Variants in AXDND1 observed in about 807,000 individuals in gnomAD.
AXDND1 encodes axonemal dynein light chain domain-containing protein 1.
A neutral mutation model predicts 137.5 loss-of-function variants in AXDND1; 110 were observed. The observed-to-expected ratio is 0.80, with a 90% CI of 0.69 to 0.94. AXDND1 has a LOEUF of 0.94. Ranked by LOEUF, AXDND1 falls within the 40% of genes least tolerant of loss-of-function variation. The probability of loss-of-function intolerance (pLI) is 0.00; values close to 1 mark genes in which losing one functional copy is unlikely to be tolerated. For synonymous variants in AXDND1, 414 were observed against 399.7 expected (o/e 1.04, Z -0.43); for missense variants, 1,191 against 1,169.8 (o/e 1.02, Z -0.26).
intron 21 of AXDND1, among the ~76,000 whole-genome samples, chr1:179,511,525 G>A (rs1171337485): frequency 6.6e-5 from 10 of 151,920 alleles, no homozygotes; most frequent in African/African-American, 2.2e-4. Flanking sequence ...ATAAACATGC[G>A]TGTGCAAGCA....
intron 10 of AXDND1, 104 bp from the exon 11 acceptor site, chr1:179,394,994 C>T (rs1650821420): frequency 1.1e-6 from 1 of 902,326 alleles, no homozygotes; most frequent in East Asian, 2.6e-5. Context: ...AAGGGAGGTA[C>T]ACATGATAAC....
At chr1:179,542,371 C>T (rs941784646) in intron 25 of AXDND1, among the ~76,000 whole-genome samples, 6 of 152,112 alleles carry the variant, frequency 3.9e-5, no homozygotes, top group Admixed American at 1.3e-4. Context: ...GTGAAGTTAG[C>T]CAACTGCTCG....
At chr1:179,488,645 TTCTTTCTTTC>T in intron 18 of AXDND1, among the ~76,000 whole-genome samples, 1 of 70,350 alleles carries the variant, frequency 1.4e-5, no homozygotes, top group South Asian at 5.2e-4. Context: ...CTTTCTTTCT[TTCTTTCTTTC>T]TTTCTTTCTT....
chr1:179,425,706 A>G (rs1436309172), intron 12 of AXDND1, among the ~76,000 whole-genome samples: 4 of 152,210 alleles, frequency 2.6e-5, no homozygotes, highest in African/African-American at 9.6e-5. Context: ...TGCTGGGCAG[A>G]AGCAGGGAGG....
intron 23 of AXDND1, 90 bp from the exon 24 acceptor site, chr1:179,533,705 C>A: frequency 6.6e-6 from 6 of 912,250 alleles, no homozygotes; most frequent in African/African-American, 1.7e-5. Flanking sequence ...AAAGAATATT[C>A]TAGAAGGTTT....
At chr1:179,532,344 G>A (rs779895518) in intron 23 of AXDND1, among the ~76,000 whole-genome samples, 4 of 152,158 alleles carry the variant, frequency 2.6e-5, no homozygotes, top group Non-Finnish European at 5.9e-5. Context: ...AGTTTTAGTT[G>A]TTTCATAGGG....
intron 18 of AXDND1, among the ~76,000 whole-genome samples, chr1:179,489,598 C>A (rs949474604): frequency 6.6e-6 from 1 of 152,122 alleles, no homozygotes; most frequent in Non-Finnish European, 1.5e-5. Context: ...TTAACTCTTT[C>A]TCAGGAAAGG....
chr1:179,482,849 G>A (rs1289434219), intron 17 of AXDND1, among the ~76,000 whole-genome samples: 5 of 151,478 alleles, frequency 3.3e-5, no homozygotes, highest in Middle Eastern at 3.4e-3. Context: ...AAATGTAAAG[G>A]GTGTAAGTTT....
chr1:179,421,367 C>CTTTTTTTTTTTTTTTTTTTTTTT (rs199703017), intron 12 of AXDND1, among the ~76,000 whole-genome samples: 1 of 107,232 alleles, frequency 9.3e-6, no homozygotes, highest in African/African-American at 4.1e-5. Context: ...TTTTCTTTTC[C>CTTTTTTTTTTTTTTTTTTTTTTT]TTTTTTTTTT....
At chr1:179,529,723 G>A (rs1670879580) in intron 23 of AXDND1, among the ~76,000 whole-genome samples, 1 of 152,200 alleles carries the variant, frequency 6.6e-6, no homozygotes, top group Non-Finnish European at 1.5e-5. Flanking sequence ...GAAAGGCATA[G>A]AAAGGGGAAG....
At chr1:179,525,285 G>T (rs1383676488) in intron 21 of AXDND1, 49 bp from the exon 22 acceptor site, 1 of 1,519,218 alleles carries the variant, frequency 6.6e-7, no homozygotes, top group Non-Finnish European at 8.9e-7. Flanking sequence ...ACAAATAATT[G>T]CTAATATTTA....
chr1:179,549,318 C>T (rs750675194), intron 25 of AXDND1, among the ~76,000 whole-genome samples: 2 of 152,130 alleles, frequency 1.3e-5, no homozygotes, highest in Non-Finnish European at 2.9e-5. Flanking sequence ...AGCAACTTAT[C>T]GCTATGATTT....
At chr1:179,541,526 G>A (rs1672140292) in intron 25 of AXDND1, among the ~76,000 whole-genome samples, 1 of 151,184 alleles carries the variant, frequency 6.6e-6, no homozygotes, top group Non-Finnish European at 1.5e-5. Flanking sequence ...ATTAGAAGTA[G>A]CAGCATATAA....
intron 11 of AXDND1, among the ~76,000 whole-genome samples, chr1:179,404,344 C>T (rs188347595): frequency 4.2e-4 from 64 of 151,976 alleles, no homozygotes; most frequent in African/African-American, 1.4e-3. Flanking sequence ...GCCTCAGCCT[C>T]CTGAGTAGCT....
chr1:179,419,018 G>A (rs1655211057), intron 12 of AXDND1, among the ~76,000 whole-genome samples: 1 of 151,750 alleles, frequency 6.6e-6, no homozygotes, highest in Non-Finnish European at 1.5e-5. Flanking sequence ...CTCAGACGAT[G>A]GGCGGCCGGA....
In AXDND1 at chr1:179,491,582, G is replaced by C; in HGVS notation, c.2136G>C (p.Leu712Phe). The C allele has an allele frequency of 6.2e-7, 1 of 1,612,988 alleles. No individual in the cohort carries two copies. Among genetic ancestry groups the C allele is most frequent in the South Asian group, 1.1e-5 (1 of 91,016 alleles). Reference protein sequence around the residue: ...HISMIQWMVNLLILMIPNFTD... With the variant: ...HISMIQWMVNFLILMIPNFTD... ...CTATGATCCAGTGGATGGTAAACTTGCTGATTTTAATGATACCCAACTTTA... is the reference window on the plus strand; with the variant it reads ...CTATGATCCAGTGGATGGTAAACTTCCTGATTTTAATGATACCCAACTTTA... Residue 712 changes from leucine (L) to phenylalanine (F), a missense_variant, in exon 19 of 26, where the codon TTG becomes TTC. Transcript: ENST00000367618.
chr1:179,450,814 C>T (rs59559400), intron 16 of AXDND1: 48,950 of 152,096 alleles, frequency 0.32, 8,244 homozygotes, highest in Middle Eastern at 0.42. Context: ...TACATAGCTA[C>T]TCAGAAGGCT....
chr1:179,392,091 C>T (rs1650296449), intron 9 of AXDND1, among the ~76,000 whole-genome samples: 1 of 152,198 alleles, frequency 6.6e-6, no homozygotes, highest in African/African-American at 2.4e-5. Context: ...GCAGTGTACA[C>T]TGTACCAAAT....
intron 25 of AXDND1, among the ~76,000 whole-genome samples, chr1:179,535,980 T>A (rs1464026736): frequency 6.6e-6 from 1 of 152,246 alleles, no homozygotes; most frequent in African/African-American, 2.4e-5. Context: ...CCAGTGATAA[T>A]GAGCATTTTT....
Sources: allele counts gnomAD v4.1 joint callset (sites outside exome capture counted in the v4.1 genomes callset), GRCh38; gene constraint gnomAD v4.1.1; transcripts MANE v1.5; gene names NCBI Gene and HGNC (gene_info 2026-07-23, HGNC 2026-07-21).